The following GXYLT2 variants were observed in gnomAD, a reference collection of about 807,000 sequenced individuals.
GXYLT2 encodes the protein glucoside xylosyltransferase 2.
Under a neutral mutation model 45.8 loss-of-function variants are expected in GXYLT2, and 53 were observed. That is an observed-to-expected ratio of 1.16 (90% CI 0.93 to 1.46). The LOEUF (loss-of-function observed/expected upper bound fraction) is 1.46. Among genes scored for constraint, GXYLT2 ranks in the 40% most tolerant of loss-of-function variants. The pLI is 0.00. For missense variants in GXYLT2, 551 were observed against 544.4 expected, an observed-to-expected ratio of 1.01 and a Z score of -0.12; for synonymous variants, 219 against 214.2, an observed-to-expected ratio of 1.02 and a Z score of -0.19.
intron 4 of GXYLT2, among the ~76,000 whole-genome samples, chr3:72,957,014 C>T (rs1406423332): frequency 6.8e-6 from 1 of 147,366 alleles, no homozygotes; most frequent in Non-Finnish European, 1.5e-5. Context: ...AACTTTCAGT[C>T]CCTGGTCTAT....
intron 1 of GXYLT2, among the ~76,000 whole-genome samples, chr3:72,895,416 CAG>C (rs1260369024): frequency 3.3e-5 from 5 of 152,104 alleles, no homozygotes; most frequent in Admixed American, 2.0e-4. Flanking sequence ...TACTTGCTAC[CAG>C]AGAGTCCTGA....
rs1291250994 is a variant in GXYLT2, at chr3:72,908,415, C to G, written c.324C>G (p.Leu108=). The change falls in exon 2 of 7, where the codon CTC becomes CTG. Residue 108 remains leucine (L), a synonymous_variant. Coordinates refer to ENST00000389617, the MANE Select transcript of GXYLT2 (RefSeq NM_001080393.2). ...TCCAAGCTGTGCTGCCACCCGAGCT[C>G]TGGATCCACCTGGCTGTGGTGGCCT... ...RSFQAVLPPE[L]WIHLAVVACG... 6.2e-7 allele frequency: 1 copy of G among 1,613,928 alleles called. No homozygotes were observed. The highest frequency in any genetic ancestry group is 2.2e-5 in the East Asian group (1 of 44,876).
chr3:72,940,641 C>T (rs1237260538), intron 3 of GXYLT2, among the ~76,000 whole-genome samples: 2 of 152,170 alleles, frequency 1.3e-5, no homozygotes, highest in African/African-American at 4.8e-5. Flanking sequence ...AACACACATG[C>T]ATGAATTTGT....
chr3:72,898,890 C>G (rs13097963), intron 1 of GXYLT2, among the ~76,000 whole-genome samples: 44,250 of 151,920 alleles, frequency 0.29, 6,868 homozygotes, highest in Non-Finnish European at 0.34. Context: ...TGCCACCATG[C>G]CCGGCTAATT....
chr3:72,906,796 AAT>A (rs1709518586), intron 1 of GXYLT2, among the ~76,000 whole-genome samples: 2 of 152,220 alleles, frequency 1.3e-5, no homozygotes, highest in South Asian at 4.1e-4. Context: ...AGTGAAACAG[AAT>A]ATGACTATGA....
At chr3:72,916,746 G>A (rs1263843440) in intron 2 of GXYLT2, among the ~76,000 whole-genome samples, 1 of 151,546 alleles carries the variant, frequency 6.6e-6, no homozygotes, top group Non-Finnish European at 1.5e-5. Context: ...TCACCATGTT[G>A]GCCAGGCTGG....
chr3:72,895,227 A>G (rs1709265517), intron 1 of GXYLT2, among the ~76,000 whole-genome samples: 1 of 151,998 alleles, frequency 6.6e-6, no homozygotes, highest in Non-Finnish European at 1.5e-5. Context: ...AGAGCAACCC[A>G]GATGGGGTAG....
chr3:72,971,149 CT>C (rs1710980260), intron 6 of GXYLT2, among the ~76,000 whole-genome samples: 1 of 152,142 alleles, frequency 6.6e-6, no homozygotes, highest in Non-Finnish European at 1.5e-5. Context: ...TCTGTCACCC[CT>C]GGTTTGGAGT....
At chr3:72,959,409 T>A (rs1198091019) in intron 5 of GXYLT2, among the ~76,000 whole-genome samples, 2 of 151,548 alleles carry the variant, frequency 1.3e-5, no homozygotes, top group Non-Finnish European at 1.5e-5. Flanking sequence ...TCAGCCACTG[T>A]ACCCAGCCAA....
At chr3:72,930,886 A>T (rs1480944629) in intron 3 of GXYLT2, among the ~76,000 whole-genome samples, 1 of 151,950 alleles carries the variant, frequency 6.6e-6, no homozygotes, top group Non-Finnish European at 1.5e-5. Context: ...GAGCCACTGC[A>T]CCCAGCTGCC....
chr3:72,929,339 G>C, intron 3 of GXYLT2: 1 of 1,049,578 alleles, frequency 9.5e-7, no homozygotes, highest in Non-Finnish European at 1.5e-6. Context: ...CGGGCTGAAT[G>C]CGATGGAGTG....
At chr3:72,913,106 C>T (rs1709664711) in intron 2 of GXYLT2, among the ~76,000 whole-genome samples, 1 of 149,394 alleles carries the variant, frequency 6.7e-6, no homozygotes, top group South Asian at 2.1e-4. Flanking sequence ...GGCGCAATCT[C>T]GGCTCACTGC....
intron 6 of GXYLT2, among the ~76,000 whole-genome samples, chr3:72,974,674 C>T (rs964309525): frequency 6.6e-6 from 1 of 152,000 alleles, no homozygotes; most frequent in African/African-American, 2.4e-5. Flanking sequence ...TCTCAAACTC[C>T]TGGGCTCAAG....
intron 3 of GXYLT2, among the ~76,000 whole-genome samples, chr3:72,952,122 C>T (rs1162661186): frequency 6.6e-6 from 1 of 151,790 alleles, no homozygotes; most frequent in Non-Finnish European, 1.5e-5. Flanking sequence ...TGTACCTCAG[C>T]CTCTCGAGTA....
intron 2 of GXYLT2, 106 bp from the exon 3 acceptor site, chr3:72,922,098 T>A: frequency 1.0e-6 from 1 of 966,208 alleles, no homozygotes; most frequent in East Asian, 2.4e-5. Flanking sequence ...AGACTTTCTG[T>A]GTAAGTTGCC....
chr3:72,908,197 G>C (rs1318846927), intron 1 of GXYLT2, 170 bp from the exon 2 acceptor site: 2 of 583,954 alleles, frequency 3.4e-6, no homozygotes, highest in African/African-American at 3.7e-5. Flanking sequence ...GGAATAAATG[G>C]TATTTTTCTC....
chr3:72,948,381 C>T (rs771016675), intron 3 of GXYLT2, among the ~76,000 whole-genome samples: 3 of 152,166 alleles, frequency 2.0e-5, no homozygotes, highest in Non-Finnish European at 4.4e-5. Context: ...AAACAAGTCT[C>T]AGTCAATTCG....
At chr3:72,974,597 A>C (rs1559536898) in intron 6 of GXYLT2, among the ~76,000 whole-genome samples, 1 of 152,120 alleles carries the variant, frequency 6.6e-6, no homozygotes, top group African/African-American at 2.4e-5. Context: ...AAGGACCCAA[A>C]TTTTTTTTTA....
intron 1 of GXYLT2, among the ~76,000 whole-genome samples, chr3:72,898,802 G>A (rs1709343720): frequency 6.6e-6 from 1 of 151,972 alleles, no homozygotes; most frequent in Non-Finnish European, 1.5e-5. Flanking sequence ...TGCGATCTCA[G>A]CTCACTGCAA....
Sources: gnomAD v4.1 joint callset for allele counts (sites outside exome capture counted in the v4.1 genomes callset) on GRCh38, gnomAD v4.1.1 for gene constraint, MANE v1.5 for transcripts, NCBI Gene and HGNC (gene_info 2026-07-23, HGNC 2026-07-21) for gene names.